The following PACRG variants were observed in gnomAD, a reference collection of about 807,000 sequenced individuals.
PACRG encodes the protein parkin coregulated, also known as parkin coregulated gene protein.
Under a neutral mutation model 29.7 loss-of-function variants are expected in PACRG, and 29 were observed. The ratio of observed to expected loss-of-function variants is 0.98; its 90% CI spans 0.73 to 1.33. The LOEUF is 1.33. PACRG is among the 40% of genes most tolerant of loss of function. The probability of loss-of-function intolerance (pLI) is 0.00; values close to 1 mark genes in which losing one functional copy is unlikely to be tolerated. For synonymous variants in PACRG, 116 were observed against 118.7 expected (o/e 0.98, Z 0.15); for missense variants, 279 against 316.2 (o/e 0.88, Z 0.89).
At chr6:163,126,254 GTAGCA>G (rs762244417) in intron 4 of PACRG, among the ~76,000 whole-genome samples, 2 of 152,140 alleles carry the variant, frequency 1.3e-5, no homozygotes, top group Non-Finnish European at 2.9e-5. Context: ...ATTTCACTCA[GTAGCA>G]TATGCAAAGA....
intron 4 of PACRG, among the ~76,000 whole-genome samples, chr6:163,205,206 G>GA (rs1480460151): frequency 6.6e-6 from 1 of 152,132 alleles, no homozygotes; most frequent in Non-Finnish European, 1.5e-5. Flanking sequence ...CATAGAATTA[G>GA]AAAAAACAAT....
chr6:163,240,878 G>T (rs966394339), intron 4 of PACRG, among the ~76,000 whole-genome samples: 15 of 152,236 alleles, frequency 9.9e-5, no homozygotes, highest in African/African-American at 3.6e-4. Flanking sequence ...TTCCCTCCTC[G>T]CCCGTAGCAA....
At chr6:162,820,447 A>T (rs1160976278) in intron 2 of PACRG, among the ~76,000 whole-genome samples, 1 of 152,218 alleles carries the variant, frequency 6.6e-6, no homozygotes, top group Non-Finnish European at 1.5e-5. Context: ...AAATATGCAC[A>T]CATTTTCTTA....
chr6:162,939,613 C>A (rs1465283905), intron 2 of PACRG, among the ~76,000 whole-genome samples: 1 of 151,812 alleles, frequency 6.6e-6, no homozygotes, highest in Non-Finnish European at 1.5e-5. Flanking sequence ...CTTTTTTCCT[C>A]CTTTCTCCTA....
intron 4 of PACRG, among the ~76,000 whole-genome samples, chr6:163,235,067 A>G (rs1193034664): frequency 6.6e-6 from 1 of 152,194 alleles, no homozygotes; most frequent in Non-Finnish European, 1.5e-5. Context: ...AAAGGCTATA[A>G]TCTATTGTAC....
chr6:163,137,530 A>G (rs1183253049), intron 4 of PACRG, among the ~76,000 whole-genome samples: 1 of 152,122 alleles, frequency 6.6e-6, no homozygotes, highest in African/African-American at 2.4e-5. Flanking sequence ...CGACAAGAAC[A>G]GGGCGAGCTC....
At chr6:162,727,754 TGGGTTAAATCCTCCA>T, upstream of PACRG, 1 of 1,412,582 alleles carries the variant, frequency 7.1e-7, no homozygotes, top group Non-Finnish European at 9.8e-7. Flanking sequence ...GCGGCTCTCC[TGGGTTAAATCCTCCA>T]GGCCTCCCCG....
At chr6:163,048,508 T>G (rs1426175848) in intron 2 of PACRG, among the ~76,000 whole-genome samples, 2 of 152,188 alleles carry the variant, frequency 1.3e-5, no homozygotes, top group Non-Finnish European at 2.9e-5. Context: ...GAGATTGAAC[T>G]CTATGGTTTC....
intron 2 of PACRG, among the ~76,000 whole-genome samples, chr6:162,991,957 T>C (rs1803467568): frequency 8.1e-6 from 1 of 123,378 alleles, no homozygotes; most frequent in Non-Finnish European, 1.6e-5. Context: ...GAAGGGTTGT[T>C]GAATTTTGTC....
At chr6:162,989,722 C>CTTTTTT (rs66497763) in intron 2 of PACRG, among the ~76,000 whole-genome samples, 1 of 142,060 alleles carries the variant, frequency 7.0e-6, no homozygotes, top group East Asian at 2.1e-4. Context: ...TCAGTACTTC[C>CTTTTTT]TTTTTTTTTT....
chr6:162,817,671 T>A (rs1007345242), intron 2 of PACRG, among the ~76,000 whole-genome samples: 7 of 152,182 alleles, frequency 4.6e-5, no homozygotes, highest in African/African-American at 1.4e-4. Context: ...TAATTTTAAT[T>A]AATTTTAATT....
At chr6:163,107,916 G>A (rs578974) in intron 4 of PACRG, among the ~76,000 whole-genome samples, 69,660 of 152,040 alleles carry the variant, frequency 0.46, 16,883 homozygotes, top group African/African-American at 0.63. Flanking sequence ...TTCTTCTTAT[G>A]CAAGTTTGCA....
At chr6:162,814,663 A>G (rs984397162) in intron 2 of PACRG, among the ~76,000 whole-genome samples, 2 of 152,090 alleles carry the variant, frequency 1.3e-5, no homozygotes, top group African/African-American at 4.8e-5. Flanking sequence ...GACACTTCCA[A>G]ATGGAAGCTT....
At chr6:163,244,122 T>C (rs1385412252) in intron 4 of PACRG, among the ~76,000 whole-genome samples, 1 of 152,270 alleles carries the variant, frequency 6.6e-6, no homozygotes, top group Non-Finnish European at 1.5e-5. Context: ...TGTGATTGTA[T>C]TTCAAACAAA....
chr6:162,875,331 ACATGCACACACAGT>A (rs1223422701), intron 2 of PACRG, among the ~76,000 whole-genome samples: 13 of 152,072 alleles, frequency 8.5e-5, no homozygotes, highest in African/African-American at 2.7e-4. Context: ...TCACACACAG[ACATGCACACACAGT>A]CATGCACACA....
At position 162,964,661 on chromosome 6, in the gene PACRG, C is replaced by T. The variant is rs563263641; in HGVS notation, c.292-97489C>T. ...AATGCGTTAGGAGGCTCCAAGTGAG[C>T]TCTTGGAAGAAGGAAGCCATGATCA... On this transcript the variant is annotated intron_variant, in intron 2 of 4. Transcript: ENST00000366888. Among the ~76,000 whole-genome samples the T allele has an allele frequency of 1.1e-4, 16 of 152,292 alleles. No individual in the cohort carries two copies. The East Asian group carries it at 2.5e-3, about 24-fold the overall frequency.
At chr6:163,186,184 C>G (rs1268418766) in intron 4 of PACRG, among the ~76,000 whole-genome samples, 1 of 152,192 alleles carries the variant, frequency 6.6e-6, no homozygotes, top group African/African-American at 2.4e-5. Flanking sequence ...TTTTCTCTGG[C>G]AGGCTTTCAG....
intron 4 of PACRG, among the ~76,000 whole-genome samples, chr6:163,252,198 C>A (rs1015927671): frequency 6.6e-6 from 1 of 152,212 alleles, no homozygotes; most frequent in Non-Finnish European, 1.5e-5. Flanking sequence ...AAGAGACAGG[C>A]CTGGTGCACG....
chr6:163,073,096 A>G (rs1812225272), intron 3 of PACRG, among the ~76,000 whole-genome samples: 1 of 152,224 alleles, frequency 6.6e-6, no homozygotes, highest in African/African-American at 2.4e-5. Context: ...GAAACAGAAA[A>G]AAACAATTTT....
Sources: allele counts gnomAD v4.1 joint callset (sites outside exome capture counted in the v4.1 genomes callset), GRCh38; gene constraint gnomAD v4.1.1; transcripts MANE v1.5; gene names NCBI Gene and HGNC (gene_info 2026-07-23, HGNC 2026-07-21).